HECTD4: variants seen among roughly 807,000 people sequenced by gnomAD.
The protein encoded by HECTD4 is HECT domain E3 ubiquitin protein ligase 4.
In HECTD4, 114 loss-of-function variants were observed where a neutral mutation model predicts 471.5. That is an observed-to-expected ratio of 0.24 (90% CI 0.21 to 0.28). The LOEUF (loss-of-function observed/expected upper bound fraction) is 0.28, where lower values mean the gene tolerates loss of function less well. HECTD4 is among the 10% of genes least tolerant of loss of function. HECTD4 has a pLI of 1.00. For missense variants in HECTD4, 3,866 were observed against 5,651.5 expected, an observed-to-expected ratio of 0.68 and a Z score of 10.13; for synonymous variants, 2,012 against 2,256.0, an observed-to-expected ratio of 0.89 and a Z score of 3.07.
At position 112,243,420 on chromosome 12, in the gene HECTD4, C is replaced by A; in HGVS notation, c.4891G>T (p.Ala1631Ser). ...TGCGTCACTCCCCCGACTCGTACGG[C>A]AGCTGTCAGCAATTCCCGCATGTGC... ...LVHMRELLTA[A>S]VRVGGVTHLV... Residue 1631 changes from alanine to serine, a missense_variant, in exon 32 of 76, where the codon GCC (alanine) becomes TCC (serine). By Grantham distance (99) the Ala-to-Ser change is moderately conservative (BLOSUM62 1). Around this residue, in one of 16 missense-constraint regions of HECTD4, gnomAD observed 229 missense variants for 386.4 expected, o/e 0.59. Coordinates refer to ENST00000682272, the MANE Select transcript of HECTD4 (RefSeq NM_001388303.1). The surrounding 1 kb of genome is among the most constrained non-coding windows in gnomAD (Gnocchi z 6.6). 1 of 1,612,264 alleles carries A rather than the reference C, an allele frequency of 6.2e-7. No individual in the cohort carries two copies. The highest frequency in any genetic ancestry group is 8.5e-7 in the Non-Finnish European group (1 of 1,179,198).
Position 112,190,210 on chromosome 12 carries a change from C to T in HECTD4, c.9472+576G>A, listed in dbSNP as rs1307299899. 2.6e-5 allele frequency among the ~76,000 whole-genome samples: 4 copies of T among 152,360 alleles called. No individual in the cohort carries two copies. The South Asian group carries it at 8.3e-4, about 32-fold the overall frequency. On this transcript the variant is annotated intron_variant, in intron 60 of 75. Coordinates refer to ENST00000682272, the MANE Select transcript of HECTD4 (RefSeq NM_001388303.1). ...CTCTACTACATATCTGTCTACTCCT[C>T]TATTCATCCACAAACCCATCTTAGT...
chr12:112,329,341 A>C lies in HECTD4; in HGVS notation c.178-9599T>G, dbSNP rs139601143. Among the ~76,000 whole-genome samples the C allele has an allele frequency of 2.3e-3, 349 of 151,648 alleles. 1 individual carries two copies. Among genetic ancestry groups the C allele is most frequent in the African/African-American group, 7.8e-3 (321 of 41,290 alleles). On this transcript the variant is annotated intron_variant, in intron 1 of 75. Coordinates refer to ENST00000682272, the MANE Select transcript of HECTD4 (RefSeq NM_001388303.1). The stretch of plus-strand genomic sequence containing the variant: ...GAAAAGTGTTTTAGCTGTTTTAATA[A>C]GAATGTATTGATTTGTTTTGGGTTT...
Position 112,172,748 on chromosome 12 carries a change from G to A in HECTD4, c.11708C>T (p.Thr3903Ile). ...INQLCRHLAI[T>I]PARLHPHEVY... ...CTCATGGGGATGGAGCCGTGCGGGTGTGATGGCGAGGTGGCGGCATAGCTG... is the reference window on the plus strand; with the variant it reads ...CTCATGGGGATGGAGCCGTGCGGGTATGATGGCGAGGTGGCGGCATAGCTG... Residue 3903 changes from threonine to isoleucine, a missense_variant, in exon 67 of 76, where the codon ACA becomes ATA. Coordinates refer to ENST00000682272, the MANE Select transcript of HECTD4 (RefSeq NM_001388303.1). 6.2e-7 allele frequency: 1 copy of A among 1,614,052 alleles called. No homozygotes were observed. Among genetic ancestry groups the A allele is most frequent in the Non-Finnish European group, 8.5e-7 (1 of 1,179,904 alleles).
intron 64 of HECTD4, among the ~76,000 whole-genome samples, chr12:112,178,682 A>G (rs1329644638): frequency 6.6e-6 from 1 of 152,216 alleles, no homozygotes; most frequent in Non-Finnish European, 1.5e-5. Context: ...ATTTTAAAAA[A>G]TTAGTCAGGT....
Position 112,185,016 on chromosome 12 carries a change from A to G in HECTD4, c.9950T>C (p.Met3317Thr). The G allele has an allele frequency of 6.2e-7, 1 of 1,605,940 alleles. No homozygotes were observed. The highest frequency in any genetic ancestry group is 1.1e-5 in the South Asian group (1 of 89,870). ...CGACGAGGAGGCCTTTTCCCGCTTC[A>G]TCTTGACTTTTTTCCTCTTGGAGAG... ...SLLSKRKKVK[M>T]KREKASSSGK... Residue 3317 changes from methionine (M) to threonine (T), a missense_variant, in exon 61 of 76, where the codon ATG becomes ACG. Coordinates refer to ENST00000682272, the MANE Select transcript of HECTD4 (RefSeq NM_001388303.1).
intron 1 of HECTD4, among the ~76,000 whole-genome samples, chr12:112,354,601 G>C (rs1256971447): frequency 6.6e-6 from 1 of 152,028 alleles, no homozygotes; most frequent in African/African-American, 2.4e-5. Flanking sequence ...GAGGAGGATT[G>C]CATGAGCCCA....
chr12:112,372,789 C>T (rs1010338831), intron 1 of HECTD4, among the ~76,000 whole-genome samples: 1 of 152,044 alleles, frequency 6.6e-6, no homozygotes, highest in Admixed American at 6.6e-5. Flanking sequence ...CAGGGTCTGG[C>T]TCTGTCACCC....
rs2033419966 is a variant in HECTD4, at chr12:112,233,056, C to G, written c.5945G>C (p.Gly1982Ala). The change falls in exon 38 of 76, where the codon GGT (glycine) becomes GCT (alanine). Residue 1982 changes from glycine (G) to alanine (A), a missense_variant. Around this residue, in one of 16 missense-constraint regions of HECTD4, gnomAD observed 617 missense variants for 915.1 expected, o/e 0.67. Coordinates refer to ENST00000682272, the MANE Select transcript of HECTD4 (RefSeq NM_001388303.1). ...AACTTTCTCCATGTTGGCGCCAGTACCAAGTCGGAAGGGCCGTCCTTCTGA... is the reference window on the plus strand; with the variant it reads ...AACTTTCTCCATGTTGGCGCCAGTAGCAAGTCGGAAGGGCCGTCCTTCTGA... Reference protein sequence around the residue: ...SSSEGRPFRLGTGANMEKVVK... With the variant: ...SSSEGRPFRLATGANMEKVVK... The G allele has an allele frequency of 6.2e-7, 1 of 1,611,806 alleles. No homozygotes were observed. The highest frequency in any genetic ancestry group is 8.5e-7 in the Non-Finnish European group (1 of 1,179,136).
At chr12:112,334,672 G>T (rs1419050956) in intron 1 of HECTD4, among the ~76,000 whole-genome samples, 1 of 150,584 alleles carries the variant, frequency 6.6e-6, no homozygotes, top group African/African-American at 2.4e-5. Context: ...AGCCGGCATG[G>T]TGTGGTGAGT....
chr12:112,228,290 TAAATTC>T lies in HECTD4; in HGVS notation c.6685-38_6685-33del. 6.5e-7 allele frequency: 1 copy of T among 1,533,222 alleles called. No individual in the cohort carries two copies. The highest frequency in any genetic ancestry group is 2.4e-5 in the East Asian group (1 of 41,788). The allele number at this position is 1,533,222 out of a possible 1,614,324, so 95.0% of individuals were successfully genotyped here. On this transcript the variant is annotated intron_variant, in intron 42 of 75. Transcript: ENST00000682272. The surrounding 1 kb of genome is among the most constrained non-coding windows in gnomAD (Gnocchi z 4.9). ...GCGGTGGGGGGGCATGGCAAAAAGT[TAAATTC>T]AAGTAGTTAGTTTATAAGAAATGAG...
rs768208056 is a variant in HECTD4 at position 112,263,210 on chromosome 12, T to C, written c.2748+874A>G. Among the ~76,000 whole-genome samples the C allele has an allele frequency of 4.6e-5, 7 of 152,238 alleles. 1 individual carries two copies. The highest frequency in any genetic ancestry group is 1.7e-4 in the African/African-American group (7 of 41,468). ...GCATGTATGTCTGCCTATTTAAAAA[T>C]GGATTATACAATGAGGTAAACTCAT... On this transcript the variant is annotated intron_variant, in intron 17 of 75. Transcript: ENST00000682272.
rs1026042065 is a variant in HECTD4, at chr12:112,162,744, G to C, written c.13121-221C>G. 1 of 569,466 alleles carries C rather than the reference G, an allele frequency of 1.8e-6. No individual in the cohort carries two copies. Among genetic ancestry groups the C allele is most frequent in the Non-Finnish European group, 3.1e-6 (1 of 327,038 alleles). 35.3% of individuals were successfully genotyped at this position (569,466 alleles called of 1,614,324 possible). A position where few individuals can be genotyped will look rare whatever the true frequency, so the allele number is the denominator to read the frequency against. ...AGCGCATGTGCCAAACTGCTGATGG[G>C]TTTGTCTGCCCAGCAAATTGTTTCT... On this transcript the variant is annotated intron_variant, in intron 75 of 75. Coordinates refer to ENST00000682272, the MANE Select transcript of HECTD4 (RefSeq NM_001388303.1). The surrounding 1 kb of genome is among the most constrained non-coding windows in gnomAD (Gnocchi z 5.2).
chr12:112,185,747 C>A (rs1017126561), intron 60 of HECTD4, among the ~76,000 whole-genome samples: 1 of 152,242 alleles, frequency 6.6e-6, no homozygotes, highest in African/African-American at 2.4e-5. Flanking sequence ...GACCCTTGTG[C>A]CCAATGGCAG....
intron 1 of HECTD4, among the ~76,000 whole-genome samples, chr12:112,334,637 C>CAAAAAAAAAAAA (rs869292531): frequency 7.6e-4 from 34 of 44,882 alleles, no homozygotes; most frequent in South Asian, 1.6e-3. Context: ...ACTAAAAATA[C>CAAAAAAAAAAAA]AAAAAAAAAA....
intron 1 of HECTD4, among the ~76,000 whole-genome samples, chr12:112,339,626 T>C (rs1353134331): frequency 1.3e-5 from 2 of 152,020 alleles, no homozygotes; most frequent in African/African-American, 4.8e-5. Context: ...TTAAAATGGC[T>C]ACTCAAAAGA....
At chr12:112,211,608 C>G in intron 49 of HECTD4, among the ~76,000 whole-genome samples, 1 of 151,148 alleles carries the variant, frequency 6.6e-6, no homozygotes, top group East Asian at 1.9e-4. Flanking sequence ...TAATGAGCTA[C>G]CCAAGGGAAG....
At position 112,382,020 on chromosome 12, in the gene HECTD4, C is replaced by T; in HGVS notation, c.109G>A (p.Val37Ile). 1 of 1,224,408 alleles carries T rather than the reference C, an allele frequency of 8.2e-7. No individual in the cohort carries two copies. The highest frequency in any genetic ancestry group is 1.0e-6 in the Non-Finnish European group (1 of 983,110). 75.8% of individuals were successfully genotyped at this position (1,224,408 alleles called of 1,614,324 possible). The change falls in exon 1 of 76, where the codon GTC becomes ATC. Residue 37 changes from valine (V) to isoleucine (I), a missense_variant. By Grantham distance (29) the Val-to-Ile change is conservative. Around this residue, in one of 16 missense-constraint regions of HECTD4, gnomAD observed 440 missense variants for 636.0 expected, o/e 0.69. Coordinates refer to ENST00000682272, the MANE Select transcript of HECTD4 (RefSeq NM_001388303.1). The stretch of plus-strand genomic sequence containing the variant: ...CTGGGCAGCTCGGCCAGGTCGGTGA[C>T]CCGGATCAGCCCGTCGTGCAGGAAG... ...TIFLHDGLIR[V>I]TDLAELPSEI...
At chr12:112,265,769 A>C in intron 15 of HECTD4, 109 bp downstream of exon 15, 33 of 722,248 alleles carry the variant, frequency 4.6e-5, no homozygotes, top group Non-Finnish European at 7.4e-5. Context: ...TTAACATGCT[A>C]ACGATCGTAT....
chr12:112,199,585 G>C (rs907104214), intron 55 of HECTD4, among the ~76,000 whole-genome samples: 1 of 152,186 alleles, frequency 6.6e-6, no homozygotes, highest in Non-Finnish European at 1.5e-5. Flanking sequence ...ATTTTCCTCT[G>C]AATTATTACA....
Sources: allele counts gnomAD v4.1 joint callset (sites outside exome capture counted in the v4.1 genomes callset), GRCh38; gene constraint gnomAD v4.1.1; regional missense constraint gnomAD v4.1.1; non-coding constraint Gnocchi (gnomAD v3.1); transcripts MANE v1.5; gene names NCBI Gene and HGNC (gene_info 2026-07-23, HGNC 2026-07-21).